Variants in CATSPERZ observed in about 807,000 individuals in gnomAD.
CATSPERZ encodes the protein cation channel sperm-associated auxiliary subunit zeta.
CATSPERZ carries 21 observed loss-of-function variants against 21.7 expected under a neutral mutation model. The observed-to-expected ratio is 0.97, with a 90% CI of 0.69 to 1.39. The LOEUF is 1.39. Among genes scored for constraint, CATSPERZ ranks in the 40% most tolerant of loss-of-function variants. CATSPERZ has a pLI of 0.00. For synonymous variants in CATSPERZ, 127 were observed against 108.7 expected (o/e 1.17, Z -1.05); for missense variants, 234 against 259.5 (o/e 0.90, Z 0.68).
chr11:64,302,925 A>G (rs1591235117), intron 2 of CATSPERZ, among the ~76,000 whole-genome samples: 1 of 125,990 alleles, frequency 7.9e-6, no homozygotes. Flanking sequence ...TTTGAGACAG[A>G]GTCTCACTTC....
At position 64,300,925 on chromosome 11, in the gene CATSPERZ, A is replaced by C; in HGVS notation, c.290A>C (p.His97Pro). Residue 97 changes from histidine (H) to proline (P), a missense_variant, in exon 2 of 5, where the codon CAC (histidine) becomes CCC (proline). By Grantham distance (77) the His-to-Pro change is moderately conservative. Coordinates refer to ENST00000328404, the MANE Select transcript of CATSPERZ (RefSeq NM_001039496.2). ...DEHALVELEL[H>P]RGSSMEINLG... ...CACGCGCTGGTGGAGCTGGAGTTGCACCGCGGCAGCTCCATGGAAATCAAT... is the reference window on the plus strand; with the variant it reads ...CACGCGCTGGTGGAGCTGGAGTTGCCCCGCGGCAGCTCCATGGAAATCAAT... The C allele has an allele frequency of 1.3e-6, 2 of 1,581,014 alleles. No individual in the cohort carries two copies. The highest frequency in any genetic ancestry group is 1.7e-6 in the Non-Finnish European group (2 of 1,164,626).
At position 64,300,953 on chromosome 11, in the gene CATSPERZ, G is replaced by T; in HGVS notation, c.318G>T (p.Leu106=). 1.3e-6 allele frequency: 2 copies of T among 1,575,424 alleles called. No individual in the cohort carries two copies. The highest frequency in any genetic ancestry group is 2.3e-5 in the East Asian group (1 of 42,780). Residue 106 remains leucine, a synonymous_variant, in exon 2 of 5, where the codon CTG becomes CTT. Coordinates refer to ENST00000328404, the MANE Select transcript of CATSPERZ (RefSeq NM_001039496.2). ...GCGGCAGCTCCATGGAAATCAATCT[G>T]GGGGAGAAGGACACTGCATCCCAGA... ...LHRGSSMEIN[L]GEKDTASQIE... is the part of the protein sequence containing the mutation.
chr11:64,304,732 G>T lies in CATSPERZ; in HGVS notation c.*86G>T. 1 of 1,120,222 alleles carries T rather than the reference G, an allele frequency of 8.9e-7. No homozygotes were observed. The highest frequency in any genetic ancestry group is 1.4e-5 in the South Asian group (1 of 71,696). The allele number at this position is 1,120,222 out of a possible 1,614,324, so 69.4% of individuals were successfully genotyped here. A position where few individuals can be genotyped will look rare whatever the true frequency, so the allele number is the denominator to read the frequency against. ...ACCCAAGCCTGACCCCATCCGAGTGGAATTTGAGTCCTAAAGAAATAAAAG... is the reference window on the plus strand; with the variant it reads ...ACCCAAGCCTGACCCCATCCGAGTGTAATTTGAGTCCTAAAGAAATAAAAG... On this transcript the variant is annotated 3_prime_UTR_variant, in exon 5 of 5. Transcript: ENST00000328404.
Position 64,303,474 on chromosome 11 carries a change from T to A in CATSPERZ, c.353-8T>A, listed in dbSNP as rs1231451647. On this transcript the variant is annotated splice_polypyrimidine_tract_variant and splice_region_variant and intron_variant, in intron 2 of 4. Coordinates refer to ENST00000328404, the MANE Select transcript of CATSPERZ (RefSeq NM_001039496.2). Reference sequence around the variant, plus strand: ...GCGGATGACTAACCCTTTTTTCTCTTCTCCCAGAAAAGTCTTCCTCAATGT... The same window carrying A: ...GCGGATGACTAACCCTTTTTTCTCTACTCCCAGAAAAGTCTTCCTCAATGT... The A allele has an allele frequency of 6.2e-7, 1 of 1,610,824 alleles. No homozygotes were observed. The highest frequency in any genetic ancestry group is 1.1e-5 in the South Asian group (1 of 90,494).
Position 64,304,527 on chromosome 11 carries a change from T to G in CATSPERZ, c.500-16T>G. The stretch of plus-strand genomic sequence containing the variant: ...GGTTGCTCACTGCCCTGAGCCGAGC[T>G]CTGCCCTCCTCCTAGGCTACCAGTT... On this transcript the variant is annotated splice_polypyrimidine_tract_variant and intron_variant, in intron 4 of 4. Transcript: ENST00000328404. The G allele has an allele frequency of 3.2e-6, 5 of 1,566,328 alleles. No homozygotes were observed. Among genetic ancestry groups the G allele is most frequent in the Non-Finnish European group, 4.3e-6 (5 of 1,156,158 alleles).
chr11:64,304,541 A>T lies in CATSPERZ; in HGVS notation c.500-2A>T. Reference sequence around the variant, plus strand: ...CTGAGCCGAGCTCTGCCCTCCTCCTAGGCTACCAGTTAGGGATCGGCAGGG... The same window carrying T: ...CTGAGCCGAGCTCTGCCCTCCTCCTTGGCTACCAGTTAGGGATCGGCAGGG... On this transcript the variant is annotated splice_acceptor_variant, in intron 4 of 4. Transcript: ENST00000328404. LOFTEE classifies it high-confidence loss of function. 6.3e-7 allele frequency: 1 copy of T among 1,578,460 alleles called. No homozygotes were observed. The highest frequency in any genetic ancestry group is 8.6e-7 in the Non-Finnish European group (1 of 1,163,114).
intron 2 of CATSPERZ, among the ~76,000 whole-genome samples, chr11:64,302,210 G>A (rs899517753): frequency 3.3e-5 from 5 of 152,318 alleles, no homozygotes; most frequent in South Asian, 2.1e-4. Flanking sequence ...TGCCAGGCAC[G>A]GGGCTTCCCC....
intron 2 of CATSPERZ, 118 bp downstream of exon 2, chr11:64,301,105 TG>T: frequency 9.8e-7 from 1 of 1,024,628 alleles, no homozygotes; most frequent in Non-Finnish European, 1.4e-6. Flanking sequence ...TAGGATTCTC[TG>T]GGAGAGGCGC....
At chr11:64,301,015 C>G in intron 2 of CATSPERZ, 28 bp downstream of exon 2, 7 of 1,490,460 alleles carry the variant, frequency 4.7e-6, no homozygotes, top group Non-Finnish European at 6.3e-6. Flanking sequence ...AGGCCGTGGG[C>G]ACCCGCAGGG....
intron 2 of CATSPERZ, 49 bp downstream of exon 2, chr11:64,301,036 G>T (rs986535550): frequency 1.4e-6 from 2 of 1,436,050 alleles, no homozygotes; most frequent in South Asian, 1.4e-5. Context: ...CAATAAGCTG[G>T]CCAGGGACTC....
At position 64,300,966 on chromosome 11, in the gene CATSPERZ, A is replaced by G; in HGVS notation, c.331A>G (p.Thr111Ala). Residue 111 changes from threonine (T) to alanine (A), a missense_variant, in exon 2 of 5, where the codon ACT (threonine) becomes GCT (alanine). Thr to Ala is a moderately conservative substitution (Grantham distance 58). Transcript: ENST00000328404. ...GGAAATCAATCTGGGGGAGAAGGAC[A>G]CTGCATCCCAGATCGAGGCCGGTCA... ...SMEINLGEKD[T>A]ASQIEAEKSS... is the part of the protein sequence containing the mutation. 6.4e-7 allele frequency: 1 copy of G among 1,561,344 alleles called. No individual in the cohort carries two copies. Among genetic ancestry groups the G allele is most frequent in the Non-Finnish European group, 8.7e-7 (1 of 1,151,780 alleles).
intron 2 of CATSPERZ, among the ~76,000 whole-genome samples, chr11:64,301,955 G>A (rs2034934138): frequency 6.6e-6 from 1 of 152,190 alleles, no homozygotes; most frequent in African/African-American, 2.4e-5. Context: ...ACAAGTGTGA[G>A]CCACCATGCC....
Position 64,304,539 on chromosome 11 carries a change from C to G in CATSPERZ, c.500-4C>G. The G allele has an allele frequency of 3.8e-6, 6 of 1,576,964 alleles. No individual in the cohort carries two copies. Among genetic ancestry groups the G allele is most frequent in the Non-Finnish European group, 5.2e-6 (6 of 1,162,256 alleles). On this transcript the variant is annotated splice_polypyrimidine_tract_variant and splice_region_variant and intron_variant, in intron 4 of 4. Transcript: ENST00000328404. ...CCCTGAGCCGAGCTCTGCCCTCCTC[C>G]TAGGCTACCAGTTAGGGATCGGCAG...
In CATSPERZ at chr11:64,300,726, T is replaced by C. The variant is rs1184848825; in HGVS notation, c.91T>C (p.Trp31Arg). ...ESVHSDTRDL[W>R]TTTTLSQAQL... Reference sequence around the variant, plus strand: ...CGTGCATAGCGACACTCGGGACCTGTGGACCACGACCACGCTGTCCCAGGC... The same window carrying C: ...CGTGCATAGCGACACTCGGGACCTGCGGACCACGACCACGCTGTCCCAGGC... The change falls in exon 2 of 5, where the codon TGG (tryptophan) becomes CGG (arginine). Residue 31 changes from tryptophan (W) to arginine (R), a missense_variant. By Grantham distance (101) the Trp-to-Arg change is moderately radical. Transcript: ENST00000328404. 3 of 1,551,342 alleles carry C rather than the reference T, an allele frequency of 1.9e-6. No individual in the cohort carries two copies. Among genetic ancestry groups the C allele is most frequent in the Non-Finnish European group, 2.6e-6 (3 of 1,147,476 alleles).
chr11:64,303,910 G>A (rs953886839), intron 4 of CATSPERZ, 71 bp downstream of exon 4: 28 of 1,502,712 alleles, frequency 1.9e-5, no homozygotes, highest in Non-Finnish European at 2.3e-5. Flanking sequence ...TGGGGCCCAG[G>A]GGGGTGGGGT....
chr11:64,301,658 G>T (rs2034928961), intron 2 of CATSPERZ, among the ~76,000 whole-genome samples: 2 of 151,880 alleles, frequency 1.3e-5, no homozygotes, highest in African/African-American at 4.8e-5. Flanking sequence ...ACAGGCTTGA[G>T]TCACTGCGCC....
chr11:64,301,682 T>C (rs1490992154), intron 2 of CATSPERZ, among the ~76,000 whole-genome samples: 1 of 151,878 alleles, frequency 6.6e-6, no homozygotes, highest in Non-Finnish European at 1.5e-5. Flanking sequence ...CCTTTGTTTT[T>C]TAGAGATGAC....
At chr11:64,303,740 C>T (rs772616151) in intron 3 of CATSPERZ, 33 bp from the exon 4 acceptor site, 1 of 1,572,184 alleles carries the variant, frequency 6.4e-7, no homozygotes, top group Non-Finnish European at 8.6e-7. Context: ...AGATGAAGTA[C>T]CTGGACGCCT....
At position 64,301,002 on chromosome 11, in the gene CATSPERZ, G is replaced by T; in HGVS notation, c.352+15G>T. 1.3e-6 allele frequency: 2 copies of T among 1,506,234 alleles called. No homozygotes were observed. Among genetic ancestry groups the T allele is most frequent in the South Asian group, 2.6e-5 (2 of 77,730 alleles). The allele number at this position is 1,506,234 out of a possible 1,614,324, so 93.3% of individuals were successfully genotyped here. ...GATCGAGGCCGGTCAGTGTGGCCTC[G>T]CCAGGCCGTGGGCACCCGCAGGGCA... On this transcript the variant is annotated intron_variant, in intron 2 of 4. Transcript: ENST00000328404.
Sources: gnomAD v4.1 joint callset for allele counts (sites outside exome capture counted in the v4.1 genomes callset) on GRCh38, gnomAD v4.1.1 for gene constraint, MANE v1.5 for transcripts, NCBI Gene and HGNC (gene_info 2026-07-23, HGNC 2026-07-21) for gene names.